Variants in ZFPM2 observed in about 807,000 individuals in gnomAD.
ZFPM2 encodes the protein zinc finger protein, FOG family member 2.
Under a neutral mutation model 98.6 loss-of-function variants are expected in ZFPM2, and 20 were observed. The observed-to-expected ratio is 0.20, with a 90% CI of 0.14 to 0.29. The LOEUF is 0.29. ZFPM2 is among the 10% of genes least tolerant of loss of function. The pLI is 1.00. For missense variants in ZFPM2, 1,310 were observed against 1,388.6 expected (o/e 0.94, Z 0.90); for synonymous variants, 518 against 502.7 (o/e 1.03, Z -0.41).
chr8:105,660,823 G>A (rs562852451), intron 5 of ZFPM2, among the ~76,000 whole-genome samples: 49 of 152,228 alleles, frequency 3.2e-4, no homozygotes, highest in Middle Eastern at 3.4e-3. Flanking sequence ...ACTACATAGT[G>A]TTTCAGAACA....
At chr8:105,659,935 A>C (rs1817355777) in intron 5 of ZFPM2, among the ~76,000 whole-genome samples, 1 of 152,242 alleles carries the variant, frequency 6.6e-6, no homozygotes, top group Non-Finnish European at 1.5e-5. Flanking sequence ...TTAAGTAACC[A>C]CTAGCATTCA....
intron 3 of ZFPM2, 57 bp from the exon 4 acceptor site, chr8:105,561,306 T>C (rs1815129669): frequency 7.6e-7 from 1 of 1,309,628 alleles, no homozygotes; most frequent in Non-Finnish European, 1.1e-6. Context: ...CAAAAAGAGG[T>C]GGCTGCTGAT....
At chr8:105,520,067 T>G (rs1437226120) in intron 3 of ZFPM2, among the ~76,000 whole-genome samples, 1 of 152,150 alleles carries the variant, frequency 6.6e-6, no homozygotes, top group Non-Finnish European at 1.5e-5. Context: ...TATCCTGTTA[T>G]TGTAGAAGAC....
chr8:105,487,306 A>G (rs1251002655), intron 3 of ZFPM2, among the ~76,000 whole-genome samples: 1 of 151,998 alleles, frequency 6.6e-6, no homozygotes, highest in Non-Finnish European at 1.5e-5. Flanking sequence ...TTTTGAAGAA[A>G]TGAGGTCTTC....
chr8:105,547,986 G>T lies in ZFPM2; in HGVS notation c.302-13377G>T, dbSNP rs191729985. On this transcript the variant is annotated intron_variant, in intron 3 of 7. Transcript: ENST00000407775. ...ATGATTTTAACCATGTGAAGTTTTGGTTTTTTTTTTAAAGAAAAGCAGTTG... is the reference window on the plus strand; with the variant it reads ...ATGATTTTAACCATGTGAAGTTTTGTTTTTTTTTTTAAAGAAAAGCAGTTG... 2.7e-3 allele frequency among the ~76,000 whole-genome samples: 403 copies of T among 148,638 alleles called. 3 individuals are homozygous for T. Among genetic ancestry groups the T allele is most frequent in the African/African-American group, 8.7e-3 (355 of 40,626 alleles).
intron 5 of ZFPM2, among the ~76,000 whole-genome samples, chr8:105,716,477 G>A (rs1381100019): frequency 5.9e-5 from 9 of 151,712 alleles, no homozygotes; most frequent in Middle Eastern, 3.4e-3. Flanking sequence ...TGTTATATAC[G>A]TGTGTGTATA....
At chr8:105,487,592 T>C (rs1248641809) in intron 3 of ZFPM2, among the ~76,000 whole-genome samples, 2 of 152,164 alleles carry the variant, frequency 1.3e-5, no homozygotes. Context: ...CAGTAGACCA[T>C]TCATAAATTA....
At chr8:105,791,379 T>C (rs929875964) in intron 6 of ZFPM2, among the ~76,000 whole-genome samples, 12 of 152,358 alleles carry the variant, frequency 7.9e-5, no homozygotes, top group Non-Finnish European at 1.5e-4. Flanking sequence ...TCTGTTTATA[T>C]GCTGGATTAC....
At chr8:105,494,581 T>C (rs1813424021) in intron 3 of ZFPM2, among the ~76,000 whole-genome samples, 1 of 152,080 alleles carries the variant, frequency 6.6e-6, no homozygotes, top group South Asian at 2.1e-4. Context: ...CATTTTCCAT[T>C]GTCCTTTGAA....
At chr8:105,611,991 G>A (rs772204195) in intron 4 of ZFPM2, among the ~76,000 whole-genome samples, 7 of 151,946 alleles carry the variant, frequency 4.6e-5, no homozygotes, top group Admixed American at 1.3e-4. Flanking sequence ...GAGCCACCAC[G>A]CCCAGTCTGA....
intron 5 of ZFPM2, among the ~76,000 whole-genome samples, chr8:105,788,319 T>C (rs1330330681): frequency 6.6e-6 from 1 of 152,178 alleles, no homozygotes; most frequent in Non-Finnish European, 1.5e-5. Context: ...TCATAAAATA[T>C]AGAAAGAATA....
chr8:105,455,403 T>A (rs965638103), intron 3 of ZFPM2, among the ~76,000 whole-genome samples: 1 of 152,070 alleles, frequency 6.6e-6, no homozygotes, highest in African/African-American at 2.4e-5. Context: ...ACCGTTGTCA[T>A]GAGAAGGGAG....
intron 5 of ZFPM2, among the ~76,000 whole-genome samples, chr8:105,720,241 C>T (rs893699607): frequency 6.6e-6 from 1 of 151,842 alleles, no homozygotes; most frequent in African/African-American, 2.4e-5. Context: ...TCCTTATGAG[C>T]TGCCCTGCAC....
intron 1 of ZFPM2, among the ~76,000 whole-genome samples, chr8:105,338,368 A>G (rs1812364995): frequency 6.6e-6 from 1 of 151,804 alleles, no homozygotes; most frequent in South Asian, 2.1e-4. Context: ...AAGTATGAAC[A>G]ATATCAGTAG....
At chr8:105,479,844 T>A (rs1259825483) in intron 3 of ZFPM2, among the ~76,000 whole-genome samples, 5 of 152,194 alleles carry the variant, frequency 3.3e-5, no homozygotes, top group African/African-American at 4.8e-5. Context: ...ATTTTTTTTT[T>A]ATAATAGCTA....
At chr8:105,417,350 A>G (rs1438363316) in intron 1 of ZFPM2, among the ~76,000 whole-genome samples, 3 of 152,120 alleles carry the variant, frequency 2.0e-5, no homozygotes, top group Middle Eastern at 3.2e-3. Flanking sequence ...TTGTATACAT[A>G]CCACAGTACA....
In ZFPM2 at chr8:105,563,146, C is replaced by T. The variant is rs192670722; in HGVS notation, c.420+1665C>T. Among the ~76,000 whole-genome samples, 252 of 152,200 alleles carry T rather than the reference C, an allele frequency of 1.7e-3. 2 individuals are homozygous for T. The highest frequency in any genetic ancestry group is 5.6e-3 in the African/African-American group (234 of 41,534). On this transcript the variant is annotated intron_variant, in intron 4 of 7. Transcript: ENST00000407775. ...GACATAAGAACTCCCAGAGGGGTTT[C>T]GACAGGTGTACTGGGTTCAGCAACA...
chr8:105,694,520 CTG>C (rs1445829618), intron 5 of ZFPM2, among the ~76,000 whole-genome samples: 2 of 152,192 alleles, frequency 1.3e-5, no homozygotes, highest in East Asian at 3.9e-4. Context: ...AATATGAAAA[CTG>C]TGTTAGTAAC....
intron 5 of ZFPM2, among the ~76,000 whole-genome samples, chr8:105,682,050 GA>G (rs1249768894): frequency 2.6e-4 from 39 of 152,274 alleles, no homozygotes. Flanking sequence ...TGAGAAAAAT[GA>G]GGGCCAGAAA....
Sources: gnomAD v4.1 joint callset for allele counts (sites outside exome capture counted in the v4.1 genomes callset) on GRCh38, gnomAD v4.1.1 for gene constraint, MANE v1.5 for transcripts, NCBI Gene and HGNC (gene_info 2026-07-23, HGNC 2026-07-21) for gene names.